The following CACNA2D3 variants were observed in gnomAD, a reference collection of about 807,000 sequenced individuals.
The protein encoded by CACNA2D3 is calcium voltage-gated channel auxiliary subunit alpha2delta 3.
CACNA2D3 carries 60 observed loss-of-function variants against 160.6 expected under a neutral mutation model. The observed-to-expected ratio is 0.37, with a 90% CI of 0.30 to 0.46. CACNA2D3 has a LOEUF of 0.46. Ranked by LOEUF, CACNA2D3 falls within the 20% of genes least tolerant of loss-of-function variation. The probability of loss-of-function intolerance (pLI) is 1.00; values close to 1 mark genes in which losing one functional copy is unlikely to be tolerated. For synonymous variants in CACNA2D3, 558 were observed against 492.9 expected (o/e 1.13, Z -1.75); for missense variants, 1,205 against 1,365.0 (o/e 0.88, Z 1.85).
intron 3 of CACNA2D3, among the ~76,000 whole-genome samples, chr3:54,355,917 T>C (rs1698641729): frequency 6.6e-6 from 1 of 152,188 alleles, no homozygotes. Context: ...TTCACTGACC[T>C]GATTTCAGTG....
chr3:54,324,453 A>G (rs1028520713), intron 3 of CACNA2D3, among the ~76,000 whole-genome samples: 6 of 152,234 alleles, frequency 3.9e-5, no homozygotes, highest in African/African-American at 1.4e-4. Flanking sequence ...CTAGCAAGTT[A>G]TAAATAACCT....
At chr3:54,183,696 C>A (rs1700824523) in intron 2 of CACNA2D3, among the ~76,000 whole-genome samples, 1 of 151,490 alleles carries the variant, frequency 6.6e-6, no homozygotes, top group African/African-American at 2.4e-5. Flanking sequence ...ACCAGTCTGG[C>A]CAACATGGTG....
intron 27 of CACNA2D3, among the ~76,000 whole-genome samples, chr3:54,939,706 G>C (rs769561273): frequency 6.6e-6 from 1 of 152,176 alleles, no homozygotes; most frequent in African/African-American, 2.4e-5. Context: ...TTCAGAAGCC[G>C]CCCCTGCAGG....
At chr3:54,561,165 G>A (rs774747970) in intron 5 of CACNA2D3, among the ~76,000 whole-genome samples, 1 of 152,156 alleles carries the variant, frequency 6.6e-6, no homozygotes, top group African/African-American at 2.4e-5. Context: ...ATTGCTTTGG[G>A]CAGTATGACC....
In CACNA2D3 at chr3:54,830,404, C is replaced by T. The variant is rs375204264; in HGVS notation, c.1399-6755C>T. Among the ~76,000 whole-genome samples, 374 of 151,684 alleles carry T rather than the reference C, an allele frequency of 2.5e-3. 2 individuals carry two copies. The highest frequency in any genetic ancestry group is 8.3e-3 in the African/African-American group (345 of 41,364). On this transcript the variant is annotated intron_variant, in intron 14 of 37. Transcript: ENST00000474759. The stretch of plus-strand genomic sequence containing the variant: ...AATTGTTGATAACCGCCGGTCTTTG[C>T]TTCAGTTGGGTAGGTAACTAAACGA...
intron 2 of CACNA2D3, among the ~76,000 whole-genome samples, chr3:54,272,543 G>T (rs938009433): frequency 1.3e-5 from 2 of 152,040 alleles, no homozygotes; most frequent in South Asian, 2.1e-4. Context: ...TAAACCTATT[G>T]TGGGGTTCTT....
chr3:54,436,157 C>T (rs1700056393), intron 4 of CACNA2D3, among the ~76,000 whole-genome samples: 1 of 151,874 alleles, frequency 6.6e-6, no homozygotes, highest in Non-Finnish European at 1.5e-5. Context: ...AAAATAATGG[C>T]TAAACAAACA....
chr3:54,569,904 A>C, intron 7 of CACNA2D3, 49 bp downstream of exon 7: 1 of 1,613,022 alleles, frequency 6.2e-7, no homozygotes, highest in Non-Finnish European at 8.5e-7. Context: ...GATATCTTGA[A>C]GAGAAGTGAA....
intron 11 of CACNA2D3, among the ~76,000 whole-genome samples, chr3:54,659,222 C>G (rs1387404919): frequency 2.6e-5 from 4 of 152,284 alleles, no homozygotes; most frequent in Non-Finnish European, 5.9e-5. Flanking sequence ...AAGCAGAACA[C>G]TTTGTGAGCT....
chr3:55,056,479 A>G (rs1353271467), intron 35 of CACNA2D3, among the ~76,000 whole-genome samples: 1 of 152,208 alleles, frequency 6.6e-6, no homozygotes, highest in Admixed American at 6.5e-5. Flanking sequence ...ATTTGAAATC[A>G]ATTTTTTAAA....
At position 54,581,230 on chromosome 3, in the gene CACNA2D3, C is replaced by T. The variant is rs943257891; in HGVS notation, c.889-573C>T. 4.6e-5 allele frequency among the ~76,000 whole-genome samples: 7 copies of T among 152,214 alleles called. No individual in the cohort carries two copies. The South Asian group carries it at 1.5e-3, about 32-fold the overall frequency. ...GGGCAAATAAAAAGTGTGGGGGGGT[C>T]CTATTCTGGATATTCTGGGATTGAA... On this transcript the variant is annotated intron_variant, in intron 8 of 37. Transcript: ENST00000474759.
intron 2 of CACNA2D3, among the ~76,000 whole-genome samples, chr3:54,285,257 A>T (rs1309899142): frequency 1.3e-5 from 2 of 152,180 alleles, no homozygotes; most frequent in African/African-American, 4.8e-5. Flanking sequence ...CAACGGGCTT[A>T]AAAAACGGCA....
At chr3:55,071,679 G>A (rs1704813211) in intron 35 of CACNA2D3, among the ~76,000 whole-genome samples, 1 of 151,608 alleles carries the variant, frequency 6.6e-6, no homozygotes, top group African/African-American at 2.4e-5. Context: ...ATTGATGATA[G>A]GAAGTTTTTT....
At position 54,288,082 on chromosome 3, in the gene CACNA2D3, C is replaced by G. The variant is rs1477110920; in HGVS notation, c.205-32360C>G. On this transcript the variant is annotated intron_variant, in intron 2 of 37. Transcript: ENST00000474759. ...AGAAATAACTAAAATCAGAGCAGAACTGAAGGAAATAGAGACCCAAAAAAC... is the reference window on the plus strand; with the variant it reads ...AGAAATAACTAAAATCAGAGCAGAAGTGAAGGAAATAGAGACCCAAAAAAC... 1.3e-5 allele frequency among the ~76,000 whole-genome samples: 2 copies of G among 152,002 alleles called. 1 individual carries two copies. The highest frequency in any genetic ancestry group is 3.9e-4 in the East Asian group (2 of 5,142).
chr3:55,049,081 G>T (rs1559473369), intron 35 of CACNA2D3, among the ~76,000 whole-genome samples: 1 of 151,710 alleles, frequency 6.6e-6, no homozygotes, highest in African/African-American at 2.4e-5. Flanking sequence ...TTTTTGAAGG[G>T]TTTTTTGTGT....
chr3:55,007,982 C>T, intron 33 of CACNA2D3, 140 bp downstream of exon 33: 2 of 587,210 alleles, frequency 3.4e-6, no homozygotes, highest in East Asian at 6.6e-5. Flanking sequence ...TTGAACATCT[C>T]AAAATATTGA....
At chr3:54,456,104 A>G (rs986701954) in intron 4 of CACNA2D3, among the ~76,000 whole-genome samples, 1 of 152,070 alleles carries the variant, frequency 6.6e-6, no homozygotes, top group African/African-American at 2.4e-5. Flanking sequence ...TAGTATTTTG[A>G]TAGAGATTGC....
intron 4 of CACNA2D3, among the ~76,000 whole-genome samples, chr3:54,461,190 G>A (rs1470735655): frequency 1.3e-5 from 2 of 152,090 alleles, no homozygotes; most frequent in African/African-American, 2.4e-5. Flanking sequence ...GTATTTGATT[G>A]AGGATTTTTG....
At chr3:54,229,483 G>A (rs558026004) in intron 2 of CACNA2D3, among the ~76,000 whole-genome samples, 3 of 152,124 alleles carry the variant, frequency 2.0e-5, no homozygotes, top group East Asian at 3.9e-4. Context: ...GTGAGCCACC[G>A]TGCCCGGCCA....
Sources: allele counts gnomAD v4.1 joint callset (sites outside exome capture counted in the v4.1 genomes callset), GRCh38; gene constraint gnomAD v4.1.1; transcripts MANE v1.5; gene names NCBI Gene and HGNC (gene_info 2026-07-23, HGNC 2026-07-21).